The following MAST4 variants were observed in gnomAD, a reference collection of about 807,000 sequenced individuals.
The protein encoded by MAST4 is microtubule associated serine/threonine kinase family member 4.
MAST4 carries 89 observed loss-of-function variants against 162.7 expected under a neutral mutation model. The ratio of observed to expected loss-of-function variants is 0.55; its 90% CI spans 0.46 to 0.65. The LOEUF is 0.65. Among genes scored for constraint, MAST4 ranks in the 30% least tolerant of loss-of-function variants. MAST4 has a pLI of 0.00. For synonymous variants in MAST4, 1,479 were observed against 1,361.1 expected (o/e 1.09, Z -1.91); for missense variants, 3,153 against 3,374.0 (o/e 0.93, Z 1.62).
chr5:66,700,973 A>T (rs868633794), intron 1 of MAST4, among the ~76,000 whole-genome samples: 2 of 152,032 alleles, frequency 1.3e-5, no homozygotes, highest in Non-Finnish European at 1.5e-5. Context: ...CTGTTTGCAA[A>T]TATGTTTTTA....
chr5:67,160,692 C>A, intron 27 of MAST4, 100 bp downstream of exon 27: 6 of 1,332,116 alleles, frequency 4.5e-6, no homozygotes, highest in Non-Finnish European at 5.1e-6. Flanking sequence ...ATCTATTTTT[C>A]TGTGAGAAAT....
chr5:66,842,801 GA>G (rs2149790946), intron 3 of MAST4, among the ~76,000 whole-genome samples: 1 of 152,226 alleles, frequency 6.6e-6, no homozygotes, highest in African/African-American at 2.4e-5. Flanking sequence ...GAGATTCTAA[GA>G]ATTCACACAT....
At chr5:67,067,426 C>T (rs990916971) in intron 5 of MAST4, among the ~76,000 whole-genome samples, 2 of 152,178 alleles carry the variant, frequency 1.3e-5, no homozygotes, top group African/African-American at 4.8e-5. Flanking sequence ...AGTACAACAA[C>T]AGTGTCAAGT....
At chr5:66,656,776 A>C (rs1409611762) in intron 1 of MAST4, among the ~76,000 whole-genome samples, 1 of 152,158 alleles carries the variant, frequency 6.6e-6, no homozygotes, top group Non-Finnish European at 1.5e-5. Context: ...GTTTTAAAGT[A>C]CTCTAAAATG....
chr5:67,121,409 A>G (rs1767564520), intron 14 of MAST4, among the ~76,000 whole-genome samples: 1 of 150,948 alleles, frequency 6.6e-6, no homozygotes, highest in African/African-American at 2.4e-5. Context: ...GAAATACCTG[A>G]CTCTTGATTG....
At position 66,788,789 on chromosome 5, in the gene MAST4, A is replaced by C. The variant is rs543837324; in HGVS notation, c.637A>C (p.Ser213Arg). ...CCAGTCGGCGCCCTCGCTCACCGCC[A>C]GCCTGGTGAGTGTCCGCGGGCGCCG... ...LGQSAPSLTA[S>R]LKELSLPRRG... Residue 213 changes from serine to arginine, a missense_variant, in exon 3 of 29, where the codon AGC (serine) becomes CGC (arginine). Coordinates refer to ENST00000403625, the MANE Select transcript of MAST4 (RefSeq NM_001164664.2). The C allele has an allele frequency of 6.3e-7, 1 of 1,579,738 alleles. No homozygotes were observed. The highest frequency in any genetic ancestry group is 1.4e-5 in the African/African-American group (1 of 73,638).
intron 4 of MAST4, among the ~76,000 whole-genome samples, chr5:66,907,158 C>CAAGAGAGAGAGAGAGAGAGA: frequency 9.6e-6 from 1 of 104,262 alleles, no homozygotes; most frequent in Non-Finnish European, 1.9e-5. Context: ...CTCAGCAAAG[C>CAAGAGAGAGAGAGAGAGAGA]GAGAGAGAGA....
intron 1 of MAST4, among the ~76,000 whole-genome samples, chr5:66,666,987 C>G (rs10068058): frequency 0.49 from 74,911 of 151,932 alleles, 18,967 homozygotes; most frequent in South Asian, 0.64. Context: ...AAGAGGCGGC[C>G]TCTACAGTGA....
Position 67,164,051 on chromosome 5 carries a change from G to T in MAST4, c.4872G>T (p.Arg1624=). 6.4e-7 allele frequency: 1 copy of T among 1,569,540 alleles called. No homozygotes were observed. Among genetic ancestry groups the T allele is most frequent in the Non-Finnish European group, 8.6e-7 (1 of 1,157,150 alleles). The change falls in exon 29 of 29, where the codon CGG becomes CGT. Residue 1624 remains arginine, a synonymous_variant. Coordinates refer to ENST00000403625, the MANE Select transcript of MAST4 (RefSeq NM_001164664.2). This position sits in a 1 kb window ranked among gnomAD's most constrained non-coding sequence, Gnocchi z 5.3. ...RASEGAMSDG[R]VPAEHRQGGG... is the part of the protein sequence containing the mutation. ...GCGAGGGTGCGATGTCGGATGGCCGGGTGCCTGCGGAGCACCGCCAGGGTG... is the reference window on the plus strand; with the variant it reads ...GCGAGGGTGCGATGTCGGATGGCCGTGTGCCTGCGGAGCACCGCCAGGGTG...
At chr5:66,727,212 A>T (rs1751578152) in intron 1 of MAST4, among the ~76,000 whole-genome samples, 1 of 152,222 alleles carries the variant, frequency 6.6e-6, no homozygotes, top group Non-Finnish European at 1.5e-5. Flanking sequence ...CAACACACAC[A>T]TAACTAACTG....
At chr5:66,948,084 A>G (rs186713118) in intron 4 of MAST4, among the ~76,000 whole-genome samples, 40 of 152,246 alleles carry the variant, frequency 2.6e-4, no homozygotes, top group African/African-American at 9.6e-4. Flanking sequence ...TACCCTGCAT[A>G]TAAAGAAGGA....
At chr5:66,762,012 T>C (rs1469077212) in intron 2 of MAST4, among the ~76,000 whole-genome samples, 1 of 152,246 alleles carries the variant, frequency 6.6e-6, no homozygotes, top group Non-Finnish European at 1.5e-5. Context: ...TATCCATTTT[T>C]GCTAAAGCAG....
chr5:66,808,606 G>A (rs1756321502), intron 3 of MAST4, among the ~76,000 whole-genome samples: 1 of 152,152 alleles, frequency 6.6e-6, no homozygotes, highest in Admixed American at 6.5e-5. Flanking sequence ...AGCCAGTGTC[G>A]TGTCTCTGTG....
chr5:66,914,937 G>A (rs1028084422), intron 4 of MAST4, among the ~76,000 whole-genome samples: 2 of 152,124 alleles, frequency 1.3e-5, no homozygotes, highest in African/African-American at 4.8e-5. Context: ...TGCTGAGGAT[G>A]AGAAACTCTG....
intron 26 of MAST4, among the ~76,000 whole-genome samples, chr5:67,159,121 C>T (rs369670934): frequency 2.0e-5 from 3 of 152,054 alleles, no homozygotes; most frequent in African/African-American, 7.2e-5. Flanking sequence ...ATTGCTCAGC[C>T]AGTAAAAATC....
In MAST4 at chr5:67,008,026, A is replaced by C. The variant is rs180806756; in HGVS notation, c.675-46378A>C. On this transcript the variant is annotated intron_variant, in intron 4 of 28. Coordinates refer to ENST00000403625, the MANE Select transcript of MAST4 (RefSeq NM_001164664.2). The stretch of plus-strand genomic sequence containing the variant: ...TTGTCTTGACCATGGCAGACATGAG[A>C]TTGTTGGGATGCACACTGGCTTTTG... 3.3e-5 allele frequency among the ~76,000 whole-genome samples: 5 copies of C among 152,206 alleles called. No homozygotes were observed. The East Asian group carries it at 9.7e-4, about 29-fold the overall frequency.
chr5:67,065,716 G>A (rs761684358), intron 5 of MAST4, among the ~76,000 whole-genome samples: 28 of 152,160 alleles, frequency 1.8e-4, no homozygotes, highest in Non-Finnish European at 4.0e-4. Flanking sequence ...ATCATGTACA[G>A]GAATGATATC....
chr5:66,656,432 GT>G (rs1746551502), intron 1 of MAST4, among the ~76,000 whole-genome samples: 1 of 152,154 alleles, frequency 6.6e-6, no homozygotes, highest in Admixed American at 6.5e-5. Flanking sequence ...CATTTAGACA[GT>G]AATTGCAATA....
chr5:66,653,394 G>A (rs1457108853), intron 1 of MAST4, among the ~76,000 whole-genome samples: 1 of 152,150 alleles, frequency 6.6e-6, no homozygotes, highest in Non-Finnish European at 1.5e-5. Flanking sequence ...CTGGCCTCCA[G>A]TCTTTTCTTA....
Sources: allele counts gnomAD v4.1 joint callset (sites outside exome capture counted in the v4.1 genomes callset), GRCh38; gene constraint gnomAD v4.1.1; non-coding constraint Gnocchi (gnomAD v3.1); transcripts MANE v1.5; gene names NCBI Gene and HGNC (gene_info 2026-07-23, HGNC 2026-07-21).